OLFM2: variants seen among roughly 807,000 people sequenced by gnomAD.
OLFM2 encodes the protein noelin-2.
OLFM2 carries 20 observed loss-of-function variants against 43.9 expected under a neutral mutation model. The observed-to-expected ratio is 0.46, with a 90% CI of 0.32 to 0.66. OLFM2 has a LOEUF of 0.66. Ranked by LOEUF, OLFM2 falls within the 30% of genes least tolerant of loss-of-function variation. OLFM2 has a pLI of 0.04. For synonymous variants in OLFM2, 268 were observed against 278.6 expected, an observed-to-expected ratio of 0.96 and a Z score of 0.38; for missense variants, 416 against 643.6, an observed-to-expected ratio of 0.65 and a Z score of 3.83.
chr19:9,893,989 A>G (rs908467936), intron 1 of OLFM2, among the ~76,000 whole-genome samples: 2 of 151,900 alleles, frequency 1.3e-5, no homozygotes, highest in African/African-American at 2.4e-5. Flanking sequence ...TTCAGGAGAG[A>G]GCATTCAAGA....
chr19:9,854,591 G>A lies in OLFM2; in HGVS notation c.960C>T (p.Phe320=), dbSNP rs1318169679. The change falls in exon 6 of 6, where the codon TTC becomes TTT. Residue 320 remains phenylalanine, a synonymous_variant. Coordinates refer to ENST00000264833, the MANE Select transcript of OLFM2 (RefSeq NM_058164.4). This position sits in a 1 kb window ranked among gnomAD's most constrained non-coding sequence, Gnocchi z 9.5. ...CGTCCACCATGAAGTCCATGTCGGA[G>A]AAGCCGCCCCAGGAGTAGGGGAAGG... The part of the protein sequence containing the change: ...NNTFPYSWGG[F]SDMDFMVDES... 1.2e-6 allele frequency: 2 copies of A among 1,614,098 alleles called. No homozygotes were observed. The highest frequency in any genetic ancestry group is 1.1e-5 in the South Asian group (1 of 91,088).
At chr19:9,917,146 G>A (rs2046881976) in intron 1 of OLFM2, among the ~76,000 whole-genome samples, 1 of 151,972 alleles carries the variant, frequency 6.6e-6, no homozygotes, top group Admixed American at 6.6e-5. Flanking sequence ...ATACATCAAG[G>A]ATGCCCCCCA....
intron 1 of OLFM2, among the ~76,000 whole-genome samples, chr19:9,932,126 A>G (rs985752752): frequency 7.9e-5 from 12 of 152,134 alleles, no homozygotes; most frequent in African/African-American, 2.2e-4. Flanking sequence ...CAGAGAATGA[A>G]TGAATAGAAG....
chr19:9,881,706 T>C (rs4804470), intron 1 of OLFM2, among the ~76,000 whole-genome samples: 138,645 of 150,936 alleles, frequency 0.92, 64,494 homozygotes, highest in Non-Finnish European at 1. Context: ...CTGTGTGGCC[T>C]AGGCTGGTCT....
chr19:9,917,956 G>A (rs955078426), intron 1 of OLFM2, among the ~76,000 whole-genome samples: 1 of 152,092 alleles, frequency 6.6e-6, no homozygotes, highest in Admixed American at 6.6e-5. Flanking sequence ...TCTGCTCACT[G>A]CAACCTCCAT....
rs2046303580 is a variant in OLFM2 at position 9,854,916 on chromosome 19, G to A, written c.688-53C>T. The A allele has an allele frequency of 7.2e-7, 1 of 1,388,870 alleles. No homozygotes were observed. Among genetic ancestry groups the A allele is most frequent in the Non-Finnish European group, 9.7e-7 (1 of 1,028,120 alleles). 86.0% of individuals were successfully genotyped at this position (1,388,870 alleles called of 1,614,324 possible). A position where few individuals can be genotyped will look rare whatever the true frequency, so the allele number is the denominator to read the frequency against. On this transcript the variant is annotated intron_variant, in intron 5 of 5. Coordinates refer to ENST00000264833, the MANE Select transcript of OLFM2 (RefSeq NM_058164.4). This position sits in a 1 kb window ranked among gnomAD's most constrained non-coding sequence, Gnocchi z 9.5. ...GGGAACCACCACCAACGACCCAAGGGTCCCAGCACCAGCTACAGCCATTAG... is the reference window on the plus strand; with the variant it reads ...GGGAACCACCACCAACGACCCAAGGATCCCAGCACCAGCTACAGCCATTAG...
At chr19:9,897,147 G>T (rs1326996056) in intron 1 of OLFM2, among the ~76,000 whole-genome samples, 2 of 152,142 alleles carry the variant, frequency 1.3e-5, no homozygotes, top group East Asian at 3.9e-4. Flanking sequence ...TGGCCAAAAT[G>T]GTGAAACCCC....
chr19:9,864,768 C>T (rs956377371), intron 1 of OLFM2, among the ~76,000 whole-genome samples: 2 of 143,348 alleles, frequency 1.4e-5, no homozygotes, highest in Admixed American at 7.3e-5. Flanking sequence ...GGCCTACAGG[C>T]AGGTACCAAC....
At chr19:9,877,307 G>A (rs1454329047) in intron 1 of OLFM2, among the ~76,000 whole-genome samples, 3 of 151,644 alleles carry the variant, frequency 2.0e-5, no homozygotes, top group Non-Finnish European at 4.4e-5. Flanking sequence ...GCTGAGGCGG[G>A]CAGATCACCT....
intron 1 of OLFM2, among the ~76,000 whole-genome samples, chr19:9,921,599 C>T (rs555900741): frequency 6.6e-6 from 1 of 152,190 alleles, no homozygotes; most frequent in East Asian, 1.9e-4. Flanking sequence ...TGCCATTCTC[C>T]TGCCTCGGCC....
intron 1 of OLFM2, among the ~76,000 whole-genome samples, chr19:9,902,236 A>G (rs1012914954): frequency 7.3e-5 from 11 of 151,362 alleles, no homozygotes; most frequent in East Asian, 3.9e-4. Context: ...CACCGTGTTA[A>G]CCAGGAGGGT....
Position 9,857,486 on chromosome 19 carries a change from T to C in OLFM2, c.361-4A>G. 1 of 1,613,152 alleles carries C rather than the reference T, an allele frequency of 6.2e-7. No homozygotes were observed. The highest frequency in any genetic ancestry group is 8.5e-7 in the Non-Finnish European group (1 of 1,179,902). Reference sequence around the variant, plus strand: ...CCGTCATCCTGTCCTTCAGCTCCTGTGCATCAAGATGGAACCATGGCCAAG... The same window carrying C: ...CCGTCATCCTGTCCTTCAGCTCCTGCGCATCAAGATGGAACCATGGCCAAG... On this transcript the variant is annotated splice_polypyrimidine_tract_variant and splice_region_variant and intron_variant, in intron 3 of 5. Coordinates refer to ENST00000264833, the MANE Select transcript of OLFM2 (RefSeq NM_058164.4). This position sits in a 1 kb window ranked among gnomAD's most constrained non-coding sequence, Gnocchi z 5.7.
At chr19:9,882,944 A>G (rs1294076375) in intron 1 of OLFM2, among the ~76,000 whole-genome samples, 1 of 151,578 alleles carries the variant, frequency 6.6e-6, no homozygotes, top group Non-Finnish European at 1.5e-5. Context: ...CACACCTGTA[A>G]TCCCCCCACT....
intron 1 of OLFM2, among the ~76,000 whole-genome samples, chr19:9,881,472 G>A (rs2046539494): frequency 6.6e-6 from 1 of 152,106 alleles, no homozygotes; most frequent in African/African-American, 2.4e-5. Context: ...ATCCCAGGCT[G>A]GGCAGCATAA....
In OLFM2 at chr19:9,856,096, TTTTTG is replaced by T. The variant is rs766870194; in HGVS notation, c.687+706_687+710del. Among the ~76,000 whole-genome samples the T allele has an allele frequency of 7.9e-5, 12 of 152,220 alleles. No individual in the cohort carries two copies. The highest frequency in any genetic ancestry group is 6.2e-4 in the South Asian group (3 of 4,820). ...TCATGTTAACTAGCATTTGTTGTTG[TTTTTG>T]TTTTGTTTTGTTTTGAGACAGAGTT... is the stretch of plus-strand genomic sequence containing the variant. On this transcript the variant is annotated intron_variant, in intron 5 of 5. Transcript: ENST00000264833. The surrounding 1 kb of genome is among the most constrained non-coding windows in gnomAD (Gnocchi z 4.0).
chr19:9,860,795 C>A lies in OLFM2; in HGVS notation c.64-1G>T. 6.2e-7 allele frequency: 1 copy of A among 1,603,624 alleles called. No individual in the cohort carries two copies. The highest frequency in any genetic ancestry group is 1.1e-5 in the South Asian group (1 of 89,994). Reference sequence around the variant, plus strand: ...CCTCTTCTGGGTTCTGGAAGAGAGTCTGCAAAGAGGTGGGGGTCAGAGACC... The same window carrying A: ...CCTCTTCTGGGTTCTGGAAGAGAGTATGCAAAGAGGTGGGGGTCAGAGACC... On this transcript the variant is annotated splice_acceptor_variant, in intron 1 of 5. Transcript: ENST00000264833. LOFTEE classifies it high-confidence loss of function.
chr19:9,903,030 A>G (rs1054215473), intron 1 of OLFM2, among the ~76,000 whole-genome samples: 2 of 151,916 alleles, frequency 1.3e-5, no homozygotes, highest in African/African-American at 4.8e-5. Context: ...AGCTGGGATT[A>G]CAGGCATGCA....
chr19:9,900,346 CA>C, intron 1 of OLFM2, among the ~76,000 whole-genome samples: 1 of 152,180 alleles, frequency 6.6e-6, no homozygotes, highest in Middle Eastern at 3.4e-3. Flanking sequence ...GGAGCTGCAT[CA>C]GTGGATGATG....
chr19:9,926,152 T>C (rs932722147), intron 1 of OLFM2, among the ~76,000 whole-genome samples: 3 of 149,914 alleles, frequency 2.0e-5, no homozygotes, highest in African/African-American at 7.4e-5. Flanking sequence ...TTAAGACTTT[T>C]TTTTAAAAAA....
Sources: allele counts gnomAD v4.1 joint callset (sites outside exome capture counted in the v4.1 genomes callset), GRCh38; gene constraint gnomAD v4.1.1; non-coding constraint Gnocchi (gnomAD v3.1); transcripts MANE v1.5; gene names NCBI Gene and HGNC (gene_info 2026-07-23, HGNC 2026-07-21).